Variants in PAWR observed in about 807,000 individuals in gnomAD.
PAWR encodes PRKC apoptosis WT1 regulator protein.
In PAWR, 23 loss-of-function variants were observed where a neutral mutation model predicts 32.0. The ratio of observed to expected loss-of-function variants is 0.72; its 90% CI spans 0.52 to 1.02. PAWR has a LOEUF of 1.02. Among genes scored for constraint, PAWR ranks in the 50% least tolerant of loss-of-function variants. The pLI, the probability that PAWR is intolerant of heterozygous loss-of-function variation, is 0.00. For missense variants in PAWR, 457 were observed against 437.7 expected (o/e 1.04, Z -0.39); for synonymous variants, 226 against 187.1 (o/e 1.21, Z -1.70).
intron 3 of PAWR, among the ~76,000 whole-genome samples, chr12:79,617,149 G>A (rs1874778244): frequency 6.6e-6 from 1 of 151,942 alleles, no homozygotes; most frequent in African/African-American, 2.4e-5. Context: ...CCTAAGGTCG[G>A]GAGACCAGCC....
chr12:79,653,909 T>A (rs933271968), intron 2 of PAWR, among the ~76,000 whole-genome samples: 1 of 152,252 alleles, frequency 6.6e-6, no homozygotes, highest in African/African-American at 2.4e-5. Flanking sequence ...CCTGCAACTT[T>A]TAGTTGAGGC....
At chr12:79,612,470 T>C (rs1043517071) in intron 4 of PAWR, among the ~76,000 whole-genome samples, 15 of 152,190 alleles carry the variant, frequency 9.9e-5, no homozygotes, top group African/African-American at 3.6e-4. Context: ...TTTACATGTA[T>C]AAATCTAGGC....
At chr12:79,630,946 A>G (rs1246965982) in intron 2 of PAWR, among the ~76,000 whole-genome samples, 1 of 152,112 alleles carries the variant, frequency 6.6e-6, no homozygotes, top group African/African-American at 2.4e-5. Flanking sequence ...GCAAAATTTT[A>G]GCATAAAAAA....
intron 2 of PAWR, among the ~76,000 whole-genome samples, chr12:79,626,595 T>G (rs1875338882): frequency 6.6e-6 from 1 of 151,760 alleles, no homozygotes; most frequent in African/African-American, 2.4e-5. Flanking sequence ...TTTTTTAATT[T>G]TATTATTATT....
chr12:79,615,950 G>A (rs1320408010), intron 3 of PAWR, among the ~76,000 whole-genome samples: 4 of 151,628 alleles, frequency 2.6e-5, no homozygotes, highest in South Asian at 4.2e-4. Context: ...CCAGCTACTC[G>A]GGAGGCTGAA....
At chr12:79,617,257 C>T (rs1874783881) in intron 3 of PAWR, among the ~76,000 whole-genome samples, 1 of 152,174 alleles carries the variant, frequency 6.6e-6, no homozygotes, top group African/African-American at 2.4e-5. Flanking sequence ...GAGGCTGAGA[C>T]AGGAGAATTG....
intron 2 of PAWR, among the ~76,000 whole-genome samples, chr12:79,653,033 G>T (rs1876923616): frequency 6.6e-6 from 1 of 152,006 alleles, no homozygotes; most frequent in Admixed American, 6.6e-5. Context: ...TTTTGTGTTT[G>T]TTTTTTTATT....
intron 2 of PAWR, among the ~76,000 whole-genome samples, chr12:79,681,505 T>C (rs1878445642): frequency 6.6e-6 from 1 of 152,138 alleles, no homozygotes; most frequent in African/African-American, 2.4e-5. Flanking sequence ...TTTGAAGTTA[T>C]AGAATAACAT....
chr12:79,611,142 T>TTATA (rs970027793), intron 4 of PAWR, among the ~76,000 whole-genome samples: 1 of 146,746 alleles, frequency 6.8e-6, no homozygotes, highest in Non-Finnish European at 1.5e-5. Flanking sequence ...TATATAAAAT[T>TTATA]TATATATATA....
At chr12:79,600,496 A>G (rs575042917) in intron 4 of PAWR, among the ~76,000 whole-genome samples, 19 of 151,842 alleles carry the variant, frequency 1.3e-4, no homozygotes, top group Non-Finnish European at 2.1e-4. Context: ...GGGGGGAGAT[A>G]GGGTCTTGCA....
chr12:79,670,965 A>G (rs956422689), intron 2 of PAWR, among the ~76,000 whole-genome samples: 23 of 151,312 alleles, frequency 1.5e-4, no homozygotes, highest in African/African-American at 5.3e-4. Flanking sequence ...GGATACTAAA[A>G]TAGACTGTCA....
chr12:79,610,190 G>C (rs190267963), intron 4 of PAWR, among the ~76,000 whole-genome samples: 4 of 152,242 alleles, frequency 2.6e-5, no homozygotes, highest in African/African-American at 9.6e-5. Flanking sequence ...AGCTCATACT[G>C]AGGTACCTGG....
chr12:79,671,578 T>C (rs1292332324), intron 2 of PAWR, among the ~76,000 whole-genome samples: 2 of 152,200 alleles, frequency 1.3e-5, no homozygotes, highest in East Asian at 3.8e-4. Context: ...TAATATGAGA[T>C]TTTTCTTCTT....
intron 4 of PAWR, among the ~76,000 whole-genome samples, chr12:79,612,958 G>C (rs1319550870): frequency 6.6e-6 from 1 of 152,194 alleles, no homozygotes; most frequent in Non-Finnish European, 1.5e-5. Flanking sequence ...ATATGTTGAA[G>C]CCATAACCCT....
chr12:79,633,962 T>C (rs1317961857), intron 2 of PAWR, among the ~76,000 whole-genome samples: 1 of 152,124 alleles, frequency 6.6e-6, no homozygotes, highest in Non-Finnish European at 1.5e-5. Flanking sequence ...AGACGGGCAG[T>C]GTGCTGGTAT....
At chr12:79,684,703 T>C (rs1246345560) in intron 2 of PAWR, among the ~76,000 whole-genome samples, 3 of 152,220 alleles carry the variant, frequency 2.0e-5, no homozygotes, top group African/African-American at 4.8e-5. Flanking sequence ...AGAATTTTAA[T>C]GCCAGTGTTT....
intron 2 of PAWR, among the ~76,000 whole-genome samples, chr12:79,679,797 A>G (rs1234293965): frequency 6.6e-6 from 1 of 152,200 alleles, no homozygotes; most frequent in Non-Finnish European, 1.5e-5. Flanking sequence ...ATCTCTAAAC[A>G]CTTTTCCAGC....
intron 2 of PAWR, among the ~76,000 whole-genome samples, chr12:79,655,292 T>C (rs1877044830): frequency 6.6e-6 from 1 of 152,164 alleles, no homozygotes; most frequent in Non-Finnish European, 1.5e-5. Flanking sequence ...CAGCCCCAAT[T>C]AGCTCCAGGC....
chr12:79,685,649 A>G (rs1385116057), intron 2 of PAWR, among the ~76,000 whole-genome samples: 1 of 152,156 alleles, frequency 6.6e-6, no homozygotes, highest in Non-Finnish European at 1.5e-5. Flanking sequence ...TTTTGCCGAG[A>G]GCCTGGTGTT....
Sources: gnomAD v4.1 joint callset for allele counts (sites outside exome capture counted in the v4.1 genomes callset) on GRCh38, gnomAD v4.1.1 for gene constraint, MANE v1.5 for transcripts, NCBI Gene and HGNC (gene_info 2026-07-23, HGNC 2026-07-21) for gene names.